The following DST variants were observed in gnomAD, a reference collection of about 807,000 sequenced individuals.
DST encodes dystonin.
Under a neutral mutation model 875.2 loss-of-function variants are expected in DST, and 253 were observed. The observed-to-expected ratio is 0.29, with a 90% CI of 0.26 to 0.32. The LOEUF is 0.32. Ranked by LOEUF, DST falls within the 10% of genes least tolerant of loss-of-function variation. The probability of loss-of-function intolerance (pLI) is 1.00; values close to 1 mark genes in which losing one functional copy is unlikely to be tolerated. For synonymous variants in DST, 3,124 were observed against 3,197.1 expected, an observed-to-expected ratio of 0.98 and a Z score of 0.77; for missense variants, 8,287 against 9,111.6, an observed-to-expected ratio of 0.91 and a Z score of 3.68.
At chr6:56,828,113 C>T (rs1024288502) in intron 4 of DST, among the ~76,000 whole-genome samples, 3 of 152,272 alleles carry the variant, frequency 2.0e-5, no homozygotes, top group Middle Eastern at 3.4e-3. Context: ...GATCCAGATC[C>T]AGCATACTCT....
Position 56,608,756 on chromosome 6 carries a change from TACC to T in DST, c.5869_5871del (p.Gly1957del), listed in dbSNP as rs2098519518. 6.2e-7 allele frequency: 1 copy of T among 1,609,220 alleles called. No individual in the cohort carries two copies. Among genetic ancestry groups the T allele is most frequent in the Admixed American group, 1.7e-5 (1 of 59,166 alleles). Reference sequence around the variant, plus strand: ...TTTCTTCCACATTTTAATGTTATTCTACCTCCTTCTTGTGGTCTCACAGGTAGA... The same window carrying T: ...TTTCTTCCACATTTTAATGTTATTCTTCCTTCTTGTGGTCTCACAGGTAGA... On this transcript the variant is annotated inframe_deletion, in exon 40 of 104. Transcript: ENST00000680361.
intron 49 of DST, among the ~76,000 whole-genome samples, chr6:56,580,322 G>C (rs187502313): frequency 3.6e-4 from 55 of 152,166 alleles, no homozygotes; most frequent in African/African-American, 1.3e-3. Flanking sequence ...CAACTTGGGA[G>C]GATCACTTGA....
At position 56,954,539 on chromosome 6, in the gene DST, A is replaced by T. The variant is rs780300934; in HGVS notation, c.49T>A (p.Cys17Ser). 8 of 1,367,312 alleles carry T rather than the reference A, an allele frequency of 5.9e-6. No homozygotes were observed. The highest frequency in any genetic ancestry group is 7.8e-6 in the Non-Finnish European group (8 of 1,021,808). The allele number at this position is 1,367,312 out of a possible 1,614,324, so 84.7% of individuals were successfully genotyped here. A position where few individuals can be genotyped will look rare whatever the true frequency, so the allele number is the denominator to read the frequency against. The change falls in exon 1 of 104, where the codon TGT (cysteine) becomes AGT (serine). Residue 17 changes from cysteine (C) to serine (S), a missense_variant. By Grantham distance (112) the Cys-to-Ser change is moderately radical. This residue lies in a region of DST where 1,160 missense variants were observed against 1,424.3 expected (regional missense o/e 0.81). Coordinates refer to ENST00000680361, the MANE Select transcript of DST (RefSeq NM_001374736.1). ...AGAAGCAACAAGAGGAAGAGGGCAC[A>T]TTGGATGCTGTAGGGTCTCAGCAAG... is the stretch of plus-strand genomic sequence containing the variant. ...LVLLRPYSIQ[C>S]ALFLLLLLLG...
chr6:56,773,911 A>G (rs976031772), intron 4 of DST, among the ~76,000 whole-genome samples: 6 of 152,064 alleles, frequency 3.9e-5, no homozygotes, highest in Non-Finnish European at 8.8e-5. Flanking sequence ...TGAGGTCAGG[A>G]GTTCAAGACC....
In DST at chr6:56,555,476, T is replaced by A; in HGVS notation, c.15005A>T (p.Lys5002Met). 1 of 1,614,038 alleles carries A rather than the reference T, an allele frequency of 6.2e-7. No individual in the cohort carries two copies. The highest frequency in any genetic ancestry group is 8.5e-7 in the Non-Finnish European group (1 of 1,179,890). ...GAGTGCCTGGGCCACTTTTATCTGCTTCTTTTCCTGCTGTATCTCCTGCTT... is the reference window on the plus strand; with the variant it reads ...GAGTGCCTGGGCCACTTTTATCTGCATCTTTTCCTGCTGTATCTCCTGCTT... Reference protein sequence around the residue: ...KMKQEIQQEKKQIKVAQALCE... With the variant: ...KMKQEIQQEKMQIKVAQALCE... Residue 5002 changes from lysine to methionine, a missense_variant, in exon 60 of 104, where the codon AAG becomes ATG. Lys to Met is a moderately conservative substitution (Grantham distance 95). Coordinates refer to ENST00000680361, the MANE Select transcript of DST (RefSeq NM_001374736.1).
chr6:56,623,118 A>G (rs1235768804), intron 36 of DST, among the ~76,000 whole-genome samples: 2 of 152,192 alleles, frequency 1.3e-5, no homozygotes, highest in Non-Finnish European at 2.9e-5. Context: ...GCTGGTTTCA[A>G]TTAACTACAA....
intron 29 of DST, among the ~76,000 whole-genome samples, 183 bp downstream of exon 29, chr6:56,631,700 T>C (rs1304123646): frequency 1.3e-5 from 2 of 152,188 alleles, no homozygotes; most frequent in Non-Finnish European, 2.9e-5. Context: ...TTCTCATGTT[T>C]ACCTGAGTCA....
intron 37 of DST, among the ~76,000 whole-genome samples, chr6:56,613,321 T>C (rs2098563683): frequency 6.6e-6 from 1 of 152,164 alleles, no homozygotes; most frequent in Non-Finnish European, 1.5e-5. Context: ...TCACTTCAAC[T>C]GAACAACTTT....
At chr6:56,901,023 A>G (rs1793823623) in intron 2 of DST, among the ~76,000 whole-genome samples, 1 of 151,960 alleles carries the variant, frequency 6.6e-6, no homozygotes, top group Non-Finnish European at 1.5e-5. Flanking sequence ...GTAAAGTGCC[A>G]CTTTACATTC....
chr6:56,516,372 T>C (rs1254004833), intron 71 of DST, among the ~76,000 whole-genome samples: 3 of 152,090 alleles, frequency 2.0e-5, no homozygotes, highest in Non-Finnish European at 4.4e-5. Context: ...AGAAATTATT[T>C]CATAACAATC....
chr6:56,494,882 T>C (rs2095857959), intron 82 of DST, among the ~76,000 whole-genome samples: 1 of 152,072 alleles, frequency 6.6e-6, no homozygotes, highest in African/African-American at 2.4e-5. Context: ...ATTTTATTTA[T>C]TCAACTATAA....
chr6:56,865,435 C>A (rs2127598264), intron 3 of DST, among the ~76,000 whole-genome samples: 1 of 152,166 alleles, frequency 6.6e-6, no homozygotes, highest in African/African-American at 2.4e-5. Context: ...ACCTTCCAGG[C>A]TCAAGCACTC....
chr6:56,868,107 G>GT (rs1170078472), intron 3 of DST, among the ~76,000 whole-genome samples: 1 of 152,044 alleles, frequency 6.6e-6, no homozygotes, highest in Non-Finnish European at 1.5e-5. Flanking sequence ...AACATGGGGG[G>GT]TGTCAGTTCA....
At chr6:56,736,538 T>C (rs970328005) in intron 4 of DST, among the ~76,000 whole-genome samples, 1 of 152,204 alleles carries the variant, frequency 6.6e-6, no homozygotes, top group African/African-American at 2.4e-5. Context: ...CTTGGTGGTC[T>C]TCTTTCCTCT....
chr6:56,886,668 G>A (rs1346548522), intron 3 of DST, among the ~76,000 whole-genome samples: 4 of 151,880 alleles, frequency 2.6e-5, no homozygotes, highest in Admixed American at 6.6e-5. Context: ...CCAGCTGCTC[G>A]GGAGGCTGAG....
intron 49 of DST, among the ~76,000 whole-genome samples, chr6:56,579,978 T>C (rs544765625): frequency 1.3e-5 from 2 of 152,226 alleles, no homozygotes; most frequent in Admixed American, 1.3e-4. Flanking sequence ...TGAGGACTAC[T>C]GAAGGCCAAG....
chr6:56,887,134 T>C (rs1295628890), intron 3 of DST, among the ~76,000 whole-genome samples: 1 of 152,224 alleles, frequency 6.6e-6, no homozygotes, highest in African/African-American at 2.4e-5. Flanking sequence ...ATTAGCACTA[T>C]TTAATGGTAG....
At chr6:56,721,070 C>A (rs1361888294) in intron 5 of DST, among the ~76,000 whole-genome samples, 7 of 150,862 alleles carry the variant, frequency 4.6e-5, no homozygotes, top group Non-Finnish European at 1.0e-4. Context: ...GGGCGCCCCC[C>A]CCACCTCCCA....
intron 4 of DST, among the ~76,000 whole-genome samples, chr6:56,740,335 T>C (rs1048759270): frequency 2.0e-5 from 3 of 152,114 alleles, no homozygotes; most frequent in Admixed American, 6.5e-5. Flanking sequence ...CTGAAGCTCA[T>C]GACCTGGAGA....
Sources: allele counts gnomAD v4.1 joint callset (sites outside exome capture counted in the v4.1 genomes callset), GRCh38; gene constraint gnomAD v4.1.1; regional missense constraint gnomAD v4.1.1; transcripts MANE v1.5; gene names NCBI Gene and HGNC (gene_info 2026-07-23, HGNC 2026-07-21).